CTSV: variants seen among roughly 807,000 people sequenced by gnomAD.
The protein encoded by CTSV is cathepsin V.
CTSV carries 33 observed loss-of-function variants against 35.6 expected under a neutral mutation model. The ratio of observed to expected loss-of-function variants is 0.93; its 90% CI spans 0.70 to 1.24. CTSV has a LOEUF of 1.24. Ranked by LOEUF, CTSV falls within the 50% of genes most tolerant of loss-of-function variation. The pLI is 0.00. For synonymous variants in CTSV, 154 were observed against 147.1 expected (o/e 1.05, Z -0.34); for missense variants, 408 against 413.1 (o/e 0.99, Z 0.11).
chr9:97,030,565 G>A lies in CTSV; in HGVS notation c.*2384C>T, dbSNP rs1050895047. 6.6e-6 allele frequency: 1 copy of A among 152,048 alleles called. No homozygotes were observed. The highest frequency in any genetic ancestry group is 6.6e-5 in the Admixed American group (1 of 15,258). The allele number at this position is 152,048 out of a possible 1,614,324, so 9.4% of individuals were successfully genotyped here. Reference sequence around the variant, plus strand: ...CACAGCTTTCAGAGCTGAGAGCCCCGAACAGAGATTTACCCATGTTTATTG... The same window carrying A: ...CACAGCTTTCAGAGCTGAGAGCCCCAAACAGAGATTTACCCATGTTTATTG... On this transcript the variant is annotated 3_prime_UTR_variant, in exon 8 of 8. Coordinates refer to ENST00000259470, the MANE Select transcript of CTSV (RefSeq NM_001333.4).
At position 97,036,852 on chromosome 9, in the gene CTSV, C is replaced by T. The variant is rs886210119; in HGVS notation, c.397-105G>A. Reference sequence around the variant, plus strand: ...TTCTTTAAAAAAAAAAAAAACCCATCGCCACACTTTGGGAGGCCGAGGCGG... The same window carrying T: ...TTCTTTAAAAAAAAAAAAAACCCATTGCCACACTTTGGGAGGCCGAGGCGG... On this transcript the variant is annotated intron_variant, in intron 4 of 7. Transcript: ENST00000259470. 31 of 1,014,780 alleles carry T rather than the reference C, an allele frequency of 3.1e-5. No individual in the cohort carries two copies. The South Asian group carries it at 3.6e-4, about 12-fold the overall frequency. The allele number at this position is 1,014,780 out of a possible 1,614,324, so 62.9% of individuals were successfully genotyped here.
In CTSV at chr9:97,036,657, C is replaced by T. The variant is rs757644240; in HGVS notation, c.487G>A (p.Glu163Lys). 17 of 1,613,892 alleles carry T rather than the reference C, an allele frequency of 1.1e-5. No homozygotes were observed. The highest frequency in any genetic ancestry group is 6.6e-5 in the South Asian group (6 of 91,070). Residue 163 changes from glutamate (E) to lysine (K), a missense_variant, in exon 5 of 8, where the codon GAG becomes AAG. By Grantham distance (56) the Glu-to-Lys change is moderately conservative (BLOSUM62 1). Coordinates refer to ENST00000259470, the MANE Select transcript of CTSV (RefSeq NM_001333.4). The part of the protein sequence containing the change: ...RKTGKLVSLS[E>K]QNLVDCSRPQ... ...CGCGAACAGTCCACCAGATTCTGCTCGCTCAGTGAGACAAGTTTCCCAGTT... is the reference window on the plus strand; with the variant it reads ...CGCGAACAGTCCACCAGATTCTGCTTGCTCAGTGAGACAAGTTTCCCAGTT...
At chr9:97,033,453 T>TAAA (rs34754643) in intron 7 of CTSV, among the ~76,000 whole-genome samples, 1 of 118,152 alleles carries the variant, frequency 8.5e-6, no homozygotes. Context: ...TCTACTAAAT[T>TAAA]AAAAAAAAAA....
rs762726567 is a variant in CTSV at position 97,037,957 on chromosome 9, C to T, written c.87G>A (p.Trp29Ter). Residue 29 changes from tryptophan (W) to a stop codon, truncating the protein, a stop_gained, in exon 2 of 8, where the codon TGG (tryptophan) becomes TGA (stop). Coordinates refer to ENST00000259470, the MANE Select transcript of CTSV (RefSeq NM_001333.4). LOFTEE classifies it high-confidence loss of function. ...TTCTGTGTGTTGCCTTCCACTGGTACCACTTTGTATCCAAATTTTGGTCAA... is the reference window on the plus strand; with the variant it reads ...TTCTGTGTGTTGCCTTCCACTGGTATCACTTTGTATCCAAATTTTGGTCAA... ...PKFDQNLDTK[W>*]YQWKATHRRL... The T allele has an allele frequency of 4.3e-6, 7 of 1,613,892 alleles. No homozygotes were observed. The highest frequency in any genetic ancestry group is 3.3e-5 in the Admixed American group (2 of 59,988).
In CTSV at chr9:97,037,308, G is replaced by T; in HGVS notation, c.340C>A (p.Leu114Ile). The change falls in exon 4 of 8, where the codon CTT (leucine) becomes ATT (isoleucine). Residue 114 changes from leucine to isoleucine, a missense_variant. Coordinates refer to ENST00000259470, the MANE Select transcript of CTSV (RefSeq NM_001333.4). ...TTTCTCCAATCCACAGATTTGGGAA[G>T]ATCAAGAAACAGAGGCTCACGGAAC... is the stretch of plus-strand genomic sequence containing the variant. ...KVFREPLFLD[L>I]PKSVDWRKKG... 1 of 1,614,194 alleles carries T rather than the reference G, an allele frequency of 6.2e-7. No homozygotes were observed.
rs201002969 is a variant in CTSV, at chr9:97,035,699, A to T, written c.622-6T>A. 5.2e-4 allele frequency: 769 copies of T among 1,483,926 alleles called. 1 individual carries two copies. The highest frequency in any genetic ancestry group is 2.9e-3 in the Middle Eastern group (16 of 5,580). The allele number at this position is 1,483,926 out of a possible 1,614,324, so 91.9% of individuals were successfully genotyped here. On this transcript the variant is annotated splice_polypyrimidine_tract_variant and splice_region_variant and intron_variant, in intron 5 of 7. Transcript: ENST00000259470. ...CTGTACTTACAGATTTCATCCTTTT[A>T]AAGTTAAAGGGGGAGAGACTTGATC...
chr9:97,035,642 A>G lies in CTSV; in HGVS notation c.673T>C (p.Phe225Leu). The G allele has an allele frequency of 6.3e-7, 1 of 1,598,852 alleles. No individual in the cohort carries two copies. Among genetic ancestry groups the G allele is most frequent in the Non-Finnish European group, 8.5e-7 (1 of 1,171,826 alleles). Residue 225 changes from phenylalanine to leucine, a missense_variant, in exon 6 of 8, where the codon TTC becomes CTC. Coordinates refer to ENST00000259470, the MANE Select transcript of CTSV (RefSeq NM_001333.4). ...TCCTTTCCAGGTGCGACCACTGTGA[A>G]GCCAGTGTCATTAGCAACAGAATTC... ...PENSVANDTG[F>L]TVVAPGKEKA...
chr9:97,036,378 T>C (rs1828850454), intron 5 of CTSV, 145 bp downstream of exon 5: 1 of 728,472 alleles, frequency 1.4e-6, no homozygotes, highest in East Asian at 2.7e-5. Context: ...CAAAGGCTAA[T>C]AATTTATAAT....
intron 7 of CTSV, among the ~76,000 whole-genome samples, chr9:97,033,876 A>C (rs1271974734): frequency 6.6e-6 from 1 of 152,146 alleles, no homozygotes; most frequent in Non-Finnish European, 1.5e-5. Flanking sequence ...CAGGCGGATC[A>C]CATGAGGTCA....
chr9:97,036,808 T>A, intron 4 of CTSV, 61 bp from the exon 5 acceptor site: 2 of 1,288,306 alleles, frequency 1.6e-6, no homozygotes, highest in South Asian at 1.5e-5. Flanking sequence ...CAGTACCCCA[T>A]AATTGAATTA....
rs766366017 is a variant in CTSV, at chr9:97,036,539, T to C, written c.605A>G (p.Tyr202Cys). ...TCCATTTACCACTGCTACATATGGATAGGATTCCTCAGAGTCCAGGCCTCC... is the reference window on the plus strand; with the variant it reads ...TCCATTTACCACTGCTACATATGGACAGGATTCCTCAGAGTCCAGGCCTCC... ...ENGGLDSEES[Y>C]PYVAVDEICK... Residue 202 changes from tyrosine to cysteine, a missense_variant, in exon 5 of 8, where the codon TAT becomes TGT. Transcript: ENST00000259470. The C allele has an allele frequency of 1.2e-6, 2 of 1,613,524 alleles. No homozygotes were observed. Among genetic ancestry groups the C allele is most frequent in the African/African-American group, 2.7e-5 (2 of 74,916 alleles).
At chr9:97,036,828 T>A in intron 4 of CTSV, 81 bp from the exon 5 acceptor site, 1 of 1,147,000 alleles carries the variant, frequency 8.7e-7, no homozygotes. Flanking sequence ...ACCTTAATAT[T>A]CTTTAAAAAA....
chr9:97,036,759 GA>G lies in CTSV; in HGVS notation c.397-13del, dbSNP rs569904266. On this transcript the variant is annotated splice_polypyrimidine_tract_variant and intron_variant, in intron 4 of 7. Coordinates refer to ENST00000259470, the MANE Select transcript of CTSV (RefSeq NM_001333.4). The stretch of plus-strand genomic sequence containing the variant: ...GAACCACACTGTTTCTAAAAAGGGA[GA>G]AAAAAAAAGCTGTAAATTTACAAGA... 64 of 1,519,076 alleles carry G rather than the reference GA, an allele frequency of 4.2e-5. No individual in the cohort carries two copies. Among genetic ancestry groups the G allele is most frequent in the South Asian group, 9.0e-5 (7 of 78,156 alleles). The allele number at this position is 1,519,076 out of a possible 1,614,324, so 94.1% of individuals were successfully genotyped here.
At chr9:97,036,411 T>C (rs1257531992) in intron 5 of CTSV, 112 bp downstream of exon 5, 1 of 812,668 alleles carries the variant, frequency 1.2e-6, no homozygotes, top group Admixed American at 2.0e-5. Flanking sequence ...GGTTTGCAGA[T>C]GTAGATTCTA....
intron 7 of CTSV, 36 bp downstream of exon 7, chr9:97,034,690 G>A: frequency 6.6e-7 from 1 of 1,514,714 alleles, no homozygotes; most frequent in Non-Finnish European, 9.2e-7. Context: ...TACTGATTTG[G>A]AACAAAAATT....
chr9:97,036,272 T>G, intron 5 of CTSV: 1 of 485,350 alleles, frequency 2.1e-6, no homozygotes. Flanking sequence ...GGGGTTTCAC[T>G]GTGTTAGCCA....
chr9:97,032,868 C>G lies in CTSV; in HGVS notation c.*81G>C, dbSNP rs996760664. On this transcript the variant is annotated 3_prime_UTR_variant, in exon 8 of 8. Coordinates refer to ENST00000259470, the MANE Select transcript of CTSV (RefSeq NM_001333.4). ...AATGATTCAACTGGTTTATCTTACA[C>G]AATAAGCGTTTGGTCAGTTTCAAGA... 4 of 926,644 alleles carry G rather than the reference C, an allele frequency of 4.3e-6. No homozygotes were observed. The highest frequency in any genetic ancestry group is 6.6e-6 in the Non-Finnish European group (4 of 604,592). The allele number at this position is 926,644 out of a possible 1,614,324, so 57.4% of individuals were successfully genotyped here. A position where few individuals can be genotyped will look rare whatever the true frequency, so the allele number is the denominator to read the frequency against.
chr9:97,038,057 G>A lies in CTSV; in HGVS notation c.-10-4C>T, dbSNP rs772849535. On this transcript the variant is annotated splice_polypyrimidine_tract_variant and splice_region_variant and intron_variant, in intron 1 of 7. Transcript: ENST00000259470. ...CGAAAGATTCATGTTTCAAAACCTA[G>A]AAAGAGAAAAGAAATGAGTATCTGA... 2 of 1,612,046 alleles carry A rather than the reference G, an allele frequency of 1.2e-6. No homozygotes were observed. The highest frequency in any genetic ancestry group is 1.7e-6 in the Non-Finnish European group (2 of 1,178,498).
chr9:97,037,989 G>T lies in CTSV; in HGVS notation c.55C>A (p.Pro19Thr). 6.2e-7 allele frequency: 1 copy of T among 1,613,970 alleles called. No homozygotes were observed. The highest frequency in any genetic ancestry group is 8.5e-7 in the Non-Finnish European group (1 of 1,180,008). ...AFCLGIASAV[P>T]KFDQNLDTKW... ...GTATCCAAATTTTGGTCAAATTTTG[G>T]AACAGCGGAGGCTATTCCCAAGCAA... The change falls in exon 2 of 8, where the codon CCA (proline) becomes ACA (threonine). Residue 19 changes from proline to threonine, a missense_variant. By Grantham distance (38) the Pro-to-Thr change is conservative (BLOSUM62 -1). Coordinates refer to ENST00000259470, the MANE Select transcript of CTSV (RefSeq NM_001333.4).
Sources: allele counts gnomAD v4.1 joint callset (sites outside exome capture counted in the v4.1 genomes callset), GRCh38; gene constraint gnomAD v4.1.1; transcripts MANE v1.5; gene names NCBI Gene and HGNC (gene_info 2026-07-23, HGNC 2026-07-21).